The following FAM124A variants were observed in gnomAD, a reference collection of about 807,000 sequenced individuals.
FAM124A encodes protein FAM124A.
In FAM124A, 23 loss-of-function variants were observed where a neutral mutation model predicts 24.5. The ratio of observed to expected loss-of-function variants is 0.94; its 90% confidence interval spans 0.68 to 1.33. The LOEUF (loss-of-function observed/expected upper bound fraction) is 1.33, where lower values mean the gene tolerates loss of function less well. Among genes scored for constraint, FAM124A ranks in the 40% most tolerant of loss-of-function variants. FAM124A has a pLI of 0.00. For synonymous variants in FAM124A, 287 were observed against 314.7 expected (o/e 0.91, Z 0.93); for missense variants, 623 against 722.8 (o/e 0.86, Z 1.58).
chr13:51,262,648 G>A (rs938877604), intron 3 of FAM124A, among the ~76,000 whole-genome samples: 1 of 152,094 alleles, frequency 6.6e-6, no homozygotes, highest in Non-Finnish European at 1.5e-5. Context: ...CAAACATTAC[G>A]TTCACTTTAA....
chr13:51,239,828 A>G (rs904107230), intron 2 of FAM124A, among the ~76,000 whole-genome samples: 1 of 151,486 alleles, frequency 6.6e-6, no homozygotes, highest in African/African-American at 2.4e-5. Context: ...GGATAGATAC[A>G]TATGTAGATA....
In FAM124A at chr13:51,281,062, T is replaced by A. The variant is rs887008248; in HGVS notation, c.1447T>A (p.Phe483Ile). The A allele has an allele frequency of 6.2e-7, 1 of 1,614,072 alleles. No homozygotes were observed. The highest frequency in any genetic ancestry group is 1.3e-5 in the African/African-American group (1 of 75,006). ...TEASWASLPF[F>I]TKRSSSSSAT... ...GGCCTCCTGGGCTTCCCTCCCTTTC[T>A]TCACCAAAAGGTCTTCCAGCTCCTC... Residue 483 changes from phenylalanine to isoleucine, a missense_variant, in exon 4 of 4, where the codon TTC (phenylalanine) becomes ATC (isoleucine). Physicochemically the swap from Phe to Ile is conservative, Grantham distance 21. Transcript: ENST00000322475.
chr13:51,224,917 C>G (rs1360861184), intron 1 of FAM124A, among the ~76,000 whole-genome samples: 1 of 152,104 alleles, frequency 6.6e-6, no homozygotes, highest in Non-Finnish European at 1.5e-5. Context: ...CTTTGTCAAG[C>G]TGCCCTCTTT....
chr13:51,222,896 G>T (rs1419281671), intron 1 of FAM124A, among the ~76,000 whole-genome samples: 1 of 152,186 alleles, frequency 6.6e-6, no homozygotes, highest in Non-Finnish European at 1.5e-5. Context: ...CTCCTTCCTC[G>T]GGGACTTTCC....
At chr13:51,241,192 C>G (rs1593591115) in intron 2 of FAM124A, among the ~76,000 whole-genome samples, 2 of 152,328 alleles carry the variant, frequency 1.3e-5, no homozygotes, top group East Asian at 3.9e-4. Flanking sequence ...TGCTGCCATC[C>G]TCCCTGAAGC....
chr13:51,275,160 G>C (rs543859275), intron 3 of FAM124A, among the ~76,000 whole-genome samples: 1 of 150,714 alleles, frequency 6.6e-6, no homozygotes, highest in African/African-American at 2.4e-5. Context: ...ATCACCTGAG[G>C]CCAGGAATTC....
intron 3 of FAM124A, among the ~76,000 whole-genome samples, chr13:51,253,981 C>T (rs546904103): frequency 6.6e-6 from 1 of 152,202 alleles, no homozygotes. Flanking sequence ...AAGCAGGTTC[C>T]TGTTCAGCTG....
intron 1 of FAM124A, among the ~76,000 whole-genome samples, chr13:51,229,002 T>A (rs1954345593): frequency 6.6e-6 from 1 of 152,204 alleles, no homozygotes. Flanking sequence ...ACAGGAAATG[T>A]GTAGCAGCAT....
intron 1 of FAM124A, chr13:51,227,123 A>G (rs1046491854): frequency 1.3e-5 from 2 of 152,248 alleles, no homozygotes; most frequent in Non-Finnish European, 1.5e-5. Context: ...TCAAGACCAT[A>G]TGTTTTTCAA....
At chr13:51,237,758 G>A (rs1430232223) in intron 2 of FAM124A, among the ~76,000 whole-genome samples, 1 of 150,740 alleles carries the variant, frequency 6.6e-6, no homozygotes, top group African/African-American at 2.4e-5. Context: ...TTACTCAGTA[G>A]TATCTATTGT....
At position 51,281,974 on chromosome 13, in the gene FAM124A, CT is replaced by C; in HGVS notation, c.*722del. 1 of 152,150 alleles carries C rather than the reference CT, an allele frequency of 6.6e-6. No homozygotes were observed. The highest frequency in any genetic ancestry group is 1.9e-4 in the East Asian group (1 of 5,198). The allele number at this position is 152,150 out of a possible 1,614,324, so 9.4% of individuals were successfully genotyped here. A position where few individuals can be genotyped will look rare whatever the true frequency, so the allele number is the denominator to read the frequency against. The stretch of plus-strand genomic sequence containing the variant: ...TTCCAGAAAGTAGATTTGCATACAC[CT>C]TTTCAACAGCACATTTCACTGGAAT... On this transcript the variant is annotated 3_prime_UTR_variant, in exon 4 of 4. Transcript: ENST00000322475.
chr13:51,273,741 AAGTAAGAATG>A (rs1848531245), intron 3 of FAM124A, among the ~76,000 whole-genome samples: 1 of 152,230 alleles, frequency 6.6e-6, no homozygotes, highest in Non-Finnish European at 1.5e-5. Context: ...TGTTCAAATA[AAGTAAGAATG>A]AGATTTTTAA....
intron 3 of FAM124A, among the ~76,000 whole-genome samples, chr13:51,264,048 G>A (rs992083972): frequency 9.2e-5 from 14 of 152,274 alleles, no homozygotes; most frequent in African/African-American, 3.1e-4. Context: ...TTTTGAAGGT[G>A]CATAAATGTT....
At chr13:51,267,306 C>T (rs1231601103) in intron 3 of FAM124A, among the ~76,000 whole-genome samples, 2 of 152,156 alleles carry the variant, frequency 1.3e-5, no homozygotes, top group Admixed American at 6.5e-5. Context: ...CTTGTGTTTA[C>T]ATAATATATA....
chr13:51,263,110 C>T (rs1248287703), intron 3 of FAM124A, among the ~76,000 whole-genome samples: 2 of 152,152 alleles, frequency 1.3e-5, no homozygotes, highest in Non-Finnish European at 2.9e-5. Flanking sequence ...GGTGTTCGGA[C>T]CAAGGGTGGG....
At position 51,280,524 on chromosome 13, in the gene FAM124A, T is replaced by C; in HGVS notation, c.909T>C (p.Thr303=). 4 of 1,613,836 alleles carry C rather than the reference T, an allele frequency of 2.5e-6. No homozygotes were observed. Among genetic ancestry groups the C allele is most frequent in the Non-Finnish European group, 3.4e-6 (4 of 1,179,968 alleles). Residue 303 remains threonine, a synonymous_variant, in exon 4 of 4, where the codon ACT becomes ACC. Transcript: ENST00000322475. ...CCTCCGAGAAGAAACGTCATTCCAC[T>C]CCTTTGCCGAGCACTGCTGTACCAA... ...HHASEKKRHS[T]PLPSTAVPSH...
At chr13:51,246,398 G>C (rs1248468169) in intron 2 of FAM124A, among the ~76,000 whole-genome samples, 1 of 125,040 alleles carries the variant, frequency 8.0e-6, no homozygotes, top group East Asian at 2.2e-4. Context: ...CATGTTTCTC[G>C]TGGGGTGGGG....
At chr13:51,246,121 G>A (rs1954554572) in intron 2 of FAM124A, among the ~76,000 whole-genome samples, 1 of 152,192 alleles carries the variant, frequency 6.6e-6, no homozygotes, top group Non-Finnish European at 1.5e-5. Context: ...TTAATGGTGT[G>A]CTAGCAGCTC....
rs181511457 is a variant in FAM124A at position 51,280,147 on chromosome 13, T to C, written c.835-303T>C. ...CCGTTATCCTGCTCAGCCAGGCCCATGTTCTTTTTGCCAGTTTGTTGAGCG... is the reference window on the plus strand; with the variant it reads ...CCGTTATCCTGCTCAGCCAGGCCCACGTTCTTTTTGCCAGTTTGTTGAGCG... On this transcript the variant is annotated intron_variant, in intron 3 of 3. Transcript: ENST00000322475. 8.5e-5 allele frequency among the ~76,000 whole-genome samples: 13 copies of C among 152,320 alleles called. No homozygotes were observed. The East Asian group carries it at 2.5e-3, about 29-fold the overall frequency.
Sources: allele counts gnomAD v4.1 joint callset (sites outside exome capture counted in the v4.1 genomes callset), GRCh38; gene constraint gnomAD v4.1.1; transcripts MANE v1.5; gene names NCBI Gene and HGNC (gene_info 2026-07-23, HGNC 2026-07-21).